Variants in FARS2 observed in about 807,000 individuals in gnomAD.
The protein encoded by FARS2 is phenylalanine--tRNA ligase, mitochondrial.
Under a neutral mutation model 46.4 loss-of-function variants are expected in FARS2, and 40 were observed. The observed-to-expected ratio is 0.86, with a 90% CI of 0.67 to 1.12. The LOEUF (loss-of-function observed/expected upper bound fraction) is 1.12, where lower values mean the gene tolerates loss of function less well. FARS2 is among the 50% of genes most tolerant of loss of function. The pLI is 0.00. For synonymous variants in FARS2, 234 were observed against 214.9 expected, an observed-to-expected ratio of 1.09 and a Z score of -0.78; for missense variants, 513 against 567.9, an observed-to-expected ratio of 0.90 and a Z score of 0.98.
chr6:5,661,844 G>T (rs1234070070), intron 6 of FARS2, among the ~76,000 whole-genome samples: 1 of 146,464 alleles, frequency 6.8e-6, no homozygotes, highest in African/African-American at 2.6e-5. Flanking sequence ...TTGTAAAAGT[G>T]TAATAAACTT....
chr6:5,623,736 A>T lies in FARS2; in HGVS notation c.1217+10416A>T, dbSNP rs553076439. ...CAAAAAAAATAAATAAATAAAATAAAGACTTTGTAAAGTGGCATCGATGCT... is the reference window on the plus strand; with the variant it reads ...CAAAAAAAATAAATAAATAAAATAATGACTTTGTAAAGTGGCATCGATGCT... On this transcript the variant is annotated intron_variant, in intron 6 of 6. Coordinates refer to ENST00000274680, the MANE Select transcript of FARS2 (RefSeq NM_006567.5). 9.4e-5 allele frequency among the ~76,000 whole-genome samples: 14 copies of T among 149,600 alleles called. No homozygotes were observed. In the South Asian group the frequency reaches 2.9e-3, roughly 31 times the overall value.
At chr6:5,378,599 T>C (rs1218709633) in intron 2 of FARS2, among the ~76,000 whole-genome samples, 1 of 152,118 alleles carries the variant, frequency 6.6e-6, no homozygotes, top group Non-Finnish European at 1.5e-5. Flanking sequence ...TTTCAGTGAG[T>C]GACAGGGTTT....
chr6:5,699,832 C>T (rs1336639601), intron 6 of FARS2, among the ~76,000 whole-genome samples: 1 of 152,164 alleles, frequency 6.6e-6, no homozygotes, highest in Non-Finnish European at 1.5e-5. Context: ...TGCCAATTCC[C>T]AGTTTCCAGG....
At chr6:5,703,604 C>T (rs543116477) in intron 6 of FARS2, among the ~76,000 whole-genome samples, 1 of 152,202 alleles carries the variant, frequency 6.6e-6, no homozygotes, top group South Asian at 2.1e-4. Flanking sequence ...ACTACCTCTT[C>T]CTCCCTCTAC....
Position 5,484,191 on chromosome 6 carries a change from G to A in FARS2, c.904+53019G>A, listed in dbSNP as rs571712619. Among the ~76,000 whole-genome samples the A allele has an allele frequency of 9.8e-5, 15 of 152,328 alleles. No homozygotes were observed. In the South Asian group the frequency reaches 2.9e-3, roughly 29 times the overall value. On this transcript the variant is annotated intron_variant, in intron 4 of 6. Transcript: ENST00000274680. ...CATTATTTCTGGATGGGCCAAGGGG[G>A]ACATACAGAAGGCAGTGTTCCAAAA...
chr6:5,625,509 G>C lies in FARS2; in HGVS notation c.1217+12189G>C, dbSNP rs6597152. Reference sequence around the variant, plus strand: ...AGACAGGGATGAGGTCAGCCCCGGGGGGAGGGACTGATGATGTGCACAGAT... The same window carrying C: ...AGACAGGGATGAGGTCAGCCCCGGGCGGAGGGACTGATGATGTGCACAGAT... On this transcript the variant is annotated intron_variant, in intron 6 of 6. Transcript: ENST00000274680. Among the ~76,000 whole-genome samples, 228 of 152,298 alleles carry C rather than the reference G, an allele frequency of 1.5e-3. 1 individual carries two copies. Among genetic ancestry groups the C allele is most frequent in the Admixed American group, 2.2e-3 (34 of 15,302 alleles).
chr6:5,426,264 G>C (rs1165419065), intron 3 of FARS2, among the ~76,000 whole-genome samples: 3 of 152,142 alleles, frequency 2.0e-5, no homozygotes, highest in Admixed American at 1.3e-4. Context: ...CCAATAAGAA[G>C]TTAGTCTTAT....
At position 5,588,938 on chromosome 6, in the gene FARS2, G is replaced by T. The variant is rs565186651; in HGVS notation, c.1066-24231G>T. 9.2e-4 allele frequency among the ~76,000 whole-genome samples: 140 copies of T among 152,250 alleles called. 1 individual carries two copies. The highest frequency in any genetic ancestry group is 6.8e-3 in the Middle Eastern group (2 of 294). ...ATCAGCTCTTTGGGGCCATTTTCGAGGAATTAATACTGTATGAGAGGGAGC... is the reference window on the plus strand; with the variant it reads ...ATCAGCTCTTTGGGGCCATTTTCGATGAATTAATACTGTATGAGAGGGAGC... On this transcript the variant is annotated intron_variant, in intron 5 of 6. Transcript: ENST00000274680.
At chr6:5,580,784 A>C (rs1773286047) in intron 5 of FARS2, among the ~76,000 whole-genome samples, 1 of 152,206 alleles carries the variant, frequency 6.6e-6, no homozygotes, top group East Asian at 1.9e-4. Flanking sequence ...CACCCTTCCC[A>C]GTCCAGGCAG....
chr6:5,583,112 C>T (rs1773427692), intron 5 of FARS2, among the ~76,000 whole-genome samples: 1 of 152,204 alleles, frequency 6.6e-6, no homozygotes, highest in African/African-American at 2.4e-5. Context: ...TAAGTGGTCC[C>T]TGTGTCCAAT....
chr6:5,727,953 G>A lies in FARS2; in HGVS notation c.1218-43338G>A, dbSNP rs868726708. 6.6e-6 allele frequency among the ~76,000 whole-genome samples: 1 copy of A among 152,202 alleles called. No individual in the cohort carries two copies. Among genetic ancestry groups the A allele is most frequent in the East Asian group, 1.9e-4 (1 of 5,198 alleles). On this transcript the variant is annotated intron_variant, in intron 6 of 6. Coordinates refer to ENST00000274680, the MANE Select transcript of FARS2 (RefSeq NM_006567.5). This position sits in a 1 kb window ranked among gnomAD's most constrained non-coding sequence, Gnocchi z 4.1. Reference sequence around the variant, plus strand: ...ATGACGCTGTTAGAGGGGAAGTGTTGGGGTGAAAGGTCCCTGGGAGCTTCG... The same window carrying A: ...ATGACGCTGTTAGAGGGGAAGTGTTAGGGTGAAAGGTCCCTGGGAGCTTCG...
chr6:5,389,153 TA>T (rs35967844), intron 2 of FARS2, among the ~76,000 whole-genome samples: 1 of 152,026 alleles, frequency 6.6e-6, no homozygotes, highest in Non-Finnish European at 1.5e-5. Context: ...ATGAAACAGT[TA>T]AAAAATATCG....
chr6:5,462,578 T>C (rs761697742), intron 4 of FARS2, among the ~76,000 whole-genome samples: 43 of 152,362 alleles, frequency 2.8e-4, no homozygotes, highest in Non-Finnish European at 4.7e-4. Context: ...TAAGGAAATG[T>C]TCTAAATTCA....
chr6:5,458,326 G>C (rs1330162887), intron 4 of FARS2, among the ~76,000 whole-genome samples: 2 of 152,234 alleles, frequency 1.3e-5, no homozygotes, highest in African/African-American at 4.8e-5. Context: ...CCCTTCCAGG[G>C]CTAGGGATGC....
chr6:5,339,738 C>T (rs1771420451), intron 1 of FARS2, among the ~76,000 whole-genome samples: 1 of 152,198 alleles, frequency 6.6e-6, no homozygotes, highest in South Asian at 2.1e-4. Flanking sequence ...CCTGGCCAAA[C>T]CAGGAGTCTT....
intron 6 of FARS2, among the ~76,000 whole-genome samples, chr6:5,703,307 C>T (rs372734452): frequency 1.3e-5 from 2 of 152,204 alleles, no homozygotes; most frequent in African/African-American, 4.8e-5. Context: ...GCTTACTCTC[C>T]GCTGGGTGCT....
intron 3 of FARS2, among the ~76,000 whole-genome samples, chr6:5,426,792 AT>A (rs1214552032): frequency 6.6e-6 from 1 of 152,022 alleles, no homozygotes; most frequent in Non-Finnish European, 1.5e-5. Flanking sequence ...CACCCGACTA[AT>A]TTTTGTATTT....
rs779412783 is a variant in FARS2 at position 5,431,115 on chromosome 6, G to C, written c.847G>C (p.Gly283Arg). 1 of 1,613,892 alleles carries C rather than the reference G, an allele frequency of 6.2e-7. No individual in the cohort carries two copies. Among genetic ancestry groups the C allele is most frequent in the South Asian group, 1.1e-5 (1 of 91,070 alleles). Residue 283 changes from glycine to arginine, a missense_variant, in exon 4 of 7, where the codon GGA becomes CGA. Gly to Arg is a moderately radical substitution (Grantham distance 125). Transcript: ENST00000274680. Reference protein sequence around the residue: ...PSFEMEINFHGEWLEVLGCGV... With the variant: ...PSFEMEINFHREWLEVLGCGV... ...CTTTGAGATGGAGATCAACTTTCAT[G>C]GAGAATGGCTGGAAGTTCTTGGCTG...
At chr6:5,493,211 A>C (rs1418707933) in intron 4 of FARS2, among the ~76,000 whole-genome samples, 1 of 85,084 alleles carries the variant, frequency 1.2e-5, no homozygotes, top group Middle Eastern at 6.0e-3. Context: ...CTGTGTCTCA[A>C]AAAAAAAAAA....
Sources: gnomAD v4.1 joint callset for allele counts (sites outside exome capture counted in the v4.1 genomes callset) on GRCh38, gnomAD v4.1.1 for gene constraint, Gnocchi (gnomAD v3.1) non-coding constraint, MANE v1.5 for transcripts, NCBI Gene and HGNC (gene_info 2026-07-23, HGNC 2026-07-21) for gene names.